The following DYNC1H1 variants were observed in gnomAD, a reference collection of about 807,000 sequenced individuals.
DYNC1H1 encodes dynein cytoplasmic 1 heavy chain 1, also known as cytoplasmic dynein 1 heavy chain 1.
In DYNC1H1, 51 loss-of-function variants were observed where a neutral mutation model predicts 527.1. The ratio of observed to expected loss-of-function variants is 0.10; its 90% CI spans 0.08 to 0.12. The LOEUF (loss-of-function observed/expected upper bound fraction) is 0.12. DYNC1H1 is among the 10% of genes least tolerant of loss of function. DYNC1H1 has a pLI of 1.00. For synonymous variants in DYNC1H1, 2,189 were observed against 2,278.8 expected (o/e 0.96, Z 1.12); for missense variants, 2,771 against 5,971.8 (o/e 0.46, Z 17.66).
chr14:102,006,301 C>G, intron 27 of DYNC1H1, 131 bp downstream of exon 27: 1 of 1,346,258 alleles, frequency 7.4e-7, no homozygotes, highest in Non-Finnish European at 1.0e-6. Context: ...GTGGTGCGAT[C>G]TTGGCTCACT....
Position 102,041,012 on chromosome 14 carries a change from G to C in DYNC1H1, c.11941+339G>C. ...GTATTTCAATGTTAAAACTTTTTAA[G>C]GAAACCACTTAGGGAGATCGCTTCT... On this transcript the variant is annotated intron_variant, in intron 64 of 77. Coordinates refer to ENST00000360184, the MANE Select transcript of DYNC1H1 (RefSeq NM_001376.5). This position sits in a 1 kb window ranked among gnomAD's most constrained non-coding sequence, Gnocchi z 4.5. The C allele has an allele frequency of 4.9e-6, 2 of 409,582 alleles. No individual in the cohort carries two copies. Among genetic ancestry groups the C allele is most frequent in the Non-Finnish European group, 9.2e-6 (2 of 217,326 alleles). 25.4% of individuals were successfully genotyped at this position (409,582 alleles called of 1,614,324 possible). A position where few individuals can be genotyped will look rare whatever the true frequency, so the allele number is the denominator to read the frequency against.
At position 102,006,908 on chromosome 14, in the gene DYNC1H1, G is replaced by A. The variant is rs192406529; in HGVS notation, c.5717-100G>A. On this transcript the variant is annotated intron_variant, in intron 27 of 77. Coordinates refer to ENST00000360184, the MANE Select transcript of DYNC1H1 (RefSeq NM_001376.5). The stretch of plus-strand genomic sequence containing the variant: ...AGCCACCCTACCTGGCCACTACTTG[G>A]ATTTTTTAAATGAGTTGCTTTTTGT... The A allele has an allele frequency of 7.3e-6, 10 of 1,378,382 alleles. No individual in the cohort carries two copies. The South Asian group carries it at 7.3e-5, about 10-fold the overall frequency. The allele number at this position is 1,378,382 out of a possible 1,614,324, so 85.4% of individuals were successfully genotyped here. A position where few individuals can be genotyped will look rare whatever the true frequency, so the allele number is the denominator to read the frequency against.
Position 101,979,769 on chromosome 14 carries a change from A to C in DYNC1H1, c.569A>C (p.Glu190Ala). 1 of 1,614,212 alleles carries C rather than the reference A, an allele frequency of 6.2e-7. No homozygotes were observed. Among genetic ancestry groups the C allele is most frequent in the Non-Finnish European group, 8.5e-7 (1 of 1,180,040 alleles). The change falls in exon 4 of 78, where the codon GAA becomes GCA. Residue 190 changes from glutamate (E) to alanine (A), a missense_variant. Glu to Ala is a moderately radical substitution (Grantham distance 107). Coordinates refer to ENST00000360184, the MANE Select transcript of DYNC1H1 (RefSeq NM_001376.5). This position sits in a 1 kb window ranked among gnomAD's most constrained non-coding sequence, Gnocchi z 4.6. ...GTTGAAAAGAAGATTGCAGAACTCG[A>C]AATGGGACTCCTTCACTTGCAGCAA... is the stretch of plus-strand genomic sequence containing the variant. ...PSVEKKIAEL[E>A]MGLLHLQQNI...
chr14:102,042,973 G>A lies in DYNC1H1; in HGVS notation c.12513+225G>A. ...AGGTCGAGGTGGGAGGATCACTTGA[G>A]CCCAGGAGTTCAAGACTGTCTGGGC... On this transcript the variant is annotated intron_variant, in intron 69 of 77. Transcript: ENST00000360184. The surrounding 1 kb of genome is among the most constrained non-coding windows in gnomAD (Gnocchi z 5.7). 2 of 586,308 alleles carry A rather than the reference G, an allele frequency of 3.4e-6. No individual in the cohort carries two copies. The highest frequency in any genetic ancestry group is 3.6e-5 in the South Asian group (2 of 55,682). The allele number at this position is 586,308 out of a possible 1,614,324, so 36.3% of individuals were successfully genotyped here. A position where few individuals can be genotyped will look rare whatever the true frequency, so the allele number is the denominator to read the frequency against.
chr14:101,971,085 CTTTTTTTTTTTTTTTTTTTT>C (rs780745783), intron 1 of DYNC1H1, among the ~76,000 whole-genome samples: 66 of 64,086 alleles, frequency 1.0e-3, no homozygotes, highest in African/African-American at 4.2e-3. Flanking sequence ...CCGTATCATT[CTTTTTTTTTTTTTTTTTTTT>C]TTTTTTTTTT....
intron 48 of DYNC1H1, chr14:102,028,371 C>T (rs1207917504): frequency 1.5e-5 from 7 of 461,466 alleles, no homozygotes; most frequent in Non-Finnish European, 2.8e-5. Context: ...GAAAATTAGC[C>T]GGGCATGGTG....
At chr14:102,007,389 G>A (rs2048208924) in intron 28 of DYNC1H1, among the ~76,000 whole-genome samples, 1 of 152,142 alleles carries the variant, frequency 6.6e-6, no homozygotes, top group African/African-American at 2.4e-5. Context: ...TAGTGCCTGT[G>A]TCTTGGAATA....
rs2048626743 is a variant in DYNC1H1, at chr14:102,039,987, GCCA to G, written c.11691-244_11691-242del. Among the ~76,000 whole-genome samples the G allele has an allele frequency of 6.6e-6, 1 of 152,120 alleles. No homozygotes were observed. Among genetic ancestry groups the G allele is most frequent in the South Asian group, 2.1e-4 (1 of 4,830 alleles). On this transcript the variant is annotated intron_variant, in intron 62 of 77. Coordinates refer to ENST00000360184, the MANE Select transcript of DYNC1H1 (RefSeq NM_001376.5). This position sits in a 1 kb window ranked among gnomAD's most constrained non-coding sequence, Gnocchi z 7.0. Reference sequence around the variant, plus strand: ...GAAGTAGCTAGGACTATAGGCGCAGGCCACCACATCTGGCTAATTTTTTTTGTA... The same window carrying G: ...GAAGTAGCTAGGACTATAGGCGCAGGCCACATCTGGCTAATTTTTTTTGTA...
chr14:102,043,099 T>C, intron 69 of DYNC1H1: 2 of 354,158 alleles, frequency 5.6e-6, no homozygotes, highest in South Asian at 4.5e-5. Context: ...ATGGCCAACA[T>C]GGTGAAACTC....
chr14:102,035,667 G>A (rs945075373), intron 56 of DYNC1H1: 1 of 152,264 alleles, frequency 6.6e-6, no homozygotes, highest in Non-Finnish European at 1.5e-5. Context: ...TGCCAACACA[G>A]GACATTCGAA....
rs2047934641 is a variant in DYNC1H1 at position 101,986,181 on chromosome 14, A to G, written c.1956A>G (p.Lys652=). 3.1e-6 allele frequency: 5 copies of G among 1,614,062 alleles called. No homozygotes were observed. Among genetic ancestry groups the G allele is most frequent in the African/African-American group, 1.3e-5 (1 of 74,922 alleles). ...PPVSGSIIWA[K]QIDRQLTAYM... is the part of the protein sequence containing the mutation. ...TGTCAGGGTCTATCATCTGGGCTAA[A>G]CAGATCGACAGGCAGCTGACGGCCT... Residue 652 remains lysine, a synonymous_variant, in exon 8 of 78, where the codon AAA becomes AAG. Transcript: ENST00000360184. The surrounding 1 kb of genome is among the most constrained non-coding windows in gnomAD (Gnocchi z 8.7).
intron 7 of DYNC1H1, among the ~76,000 whole-genome samples, chr14:101,984,399 ATATGTGTG>A (rs1321214096): frequency 4.6e-5 from 4 of 87,490 alleles, no homozygotes; most frequent in African/African-American, 2.1e-4. Context: ...ATATGCGTAT[ATATGTGTG>A]TGTGTGTGTG....
chr14:102,046,245 A>G (rs2048717008), intron 72 of DYNC1H1, among the ~76,000 whole-genome samples: 1 of 152,122 alleles, frequency 6.6e-6, no homozygotes, highest in Admixed American at 6.5e-5. Flanking sequence ...GGGCCCAGCA[A>G]CTGGCCTTCA....
At position 102,018,532 on chromosome 14, in the gene DYNC1H1, C is replaced by T. The variant is rs752418713; in HGVS notation, c.8259C>T (p.Arg2753=). ...SLTQIYGTFN[R]AMLRLIPSLR... is the part of the protein sequence containing the mutation. Reference sequence around the variant, plus strand: ...CACAGATCTACGGCACCTTCAACCGCGCCATGCTGAGGCTCATTCCATCCC... The same window carrying T: ...CACAGATCTACGGCACCTTCAACCGTGCCATGCTGAGGCTCATTCCATCCC... Residue 2753 remains arginine (R), a synonymous_variant, in exon 41 of 78, where the codon CGC becomes CGT. Transcript: ENST00000360184. The surrounding 1 kb of genome is among the most constrained non-coding windows in gnomAD (Gnocchi z 5.2). The T allele has an allele frequency of 9.9e-6, 16 of 1,613,982 alleles. No homozygotes were observed. Among genetic ancestry groups the T allele is most frequent in the Middle Eastern group, 3.3e-4 (2 of 6,084 alleles).
At position 102,042,911 on chromosome 14, in the gene DYNC1H1, G is replaced by T. The variant is rs2048669368; in HGVS notation, c.12513+163G>T. On this transcript the variant is annotated intron_variant, in intron 69 of 77. Coordinates refer to ENST00000360184, the MANE Select transcript of DYNC1H1 (RefSeq NM_001376.5). The surrounding 1 kb of genome is among the most constrained non-coding windows in gnomAD (Gnocchi z 5.7). ...AGGTAAAATTTCCTTCCATGGCCGG[G>T]CACCGTGGCTCACACTGGTAATCCT... 1.1e-5 allele frequency: 9 copies of T among 800,118 alleles called. No individual in the cohort carries two copies. In the South Asian group the frequency reaches 1.3e-4, roughly 12 times the overall value. The allele number at this position is 800,118 out of a possible 1,614,324, so 49.6% of individuals were successfully genotyped here.
At chr14:102,035,621 C>T (rs2048565071) in intron 56 of DYNC1H1, 2 of 152,228 alleles carry the variant, frequency 1.3e-5, no homozygotes, top group South Asian at 4.1e-4. Context: ...GATGGCCCTC[C>T]TGAGGGCCCA....
chr14:102,040,270 T>C lies in DYNC1H1; in HGVS notation c.11725T>C (p.Leu3909=), dbSNP rs927269531. 67 of 1,614,032 alleles carry C rather than the reference T, an allele frequency of 4.2e-5. No individual in the cohort carries two copies. The highest frequency in any genetic ancestry group is 5.3e-5 in the Non-Finnish European group (63 of 1,180,046). ...PTYDAEFQHF[L]RGNEIVLSAG... is the part of the protein sequence containing the mutation. ...CTACGATGCAGAATTCCAGCACTTC[T>C]TGAGAGGAAATGAGATTGTCCTGAG... is the stretch of plus-strand genomic sequence containing the variant. The change falls in exon 63 of 78, where the codon TTG becomes CTG. Residue 3909 remains leucine (L), a synonymous_variant. Coordinates refer to ENST00000360184, the MANE Select transcript of DYNC1H1 (RefSeq NM_001376.5).
chr14:102,041,434 G>A lies in DYNC1H1; in HGVS notation c.11942-140G>A, dbSNP rs1035099411. 8 of 1,380,586 alleles carry A rather than the reference G, an allele frequency of 5.8e-6. No individual in the cohort carries two copies. In the African/African-American group the frequency reaches 8.5e-5, roughly 15 times the overall value. 85.5% of individuals were successfully genotyped at this position (1,380,586 alleles called of 1,614,324 possible). On this transcript the variant is annotated intron_variant, in intron 64 of 77. Transcript: ENST00000360184. This position sits in a 1 kb window ranked among gnomAD's most constrained non-coding sequence, Gnocchi z 4.5. Reference sequence around the variant, plus strand: ...GCTCACGGAAGGCACAGCAGATGTGGCTGAATTTCCTGATTTGAGCTGATC... The same window carrying A: ...GCTCACGGAAGGCACAGCAGATGTGACTGAATTTCCTGATTTGAGCTGATC...
chr14:102,024,105 G>C (rs11846161), intron 43 of DYNC1H1, among the ~76,000 whole-genome samples: 18,701 of 152,134 alleles, frequency 0.12, 1,881 homozygotes, highest in African/African-American at 0.28. Flanking sequence ...CCGGTGGAAG[G>C]TGTTGCTTCA....
Sources: gnomAD v4.1 joint callset for allele counts (sites outside exome capture counted in the v4.1 genomes callset) on GRCh38, gnomAD v4.1.1 for gene constraint, Gnocchi (gnomAD v3.1) non-coding constraint, MANE v1.5 for transcripts, NCBI Gene and HGNC (gene_info 2026-07-23, HGNC 2026-07-21) for gene names.